The following SLC25A26 variants were observed in gnomAD, a reference collection of about 807,000 sequenced individuals.
SLC25A26 encodes solute carrier family 25 member 26, also known as mitochondrial S-adenosylmethionine carrier protein.
A neutral mutation model predicts 37.8 loss-of-function variants in SLC25A26; 36 were observed. The observed-to-expected ratio is 0.95, with a 90% confidence interval of 0.73 to 1.26. The LOEUF is 1.26. SLC25A26 is among the 50% of genes most tolerant of loss of function. The pLI, the probability that SLC25A26 is intolerant of heterozygous loss-of-function variation, is 0.00. For missense variants in SLC25A26, 390 were observed against 331.1 expected (o/e 1.18, Z -1.38); for synonymous variants, 129 against 122.5 (o/e 1.05, Z -0.35).
At chr3:66,339,074 G>C (rs775231202) in intron 5 of SLC25A26, among the ~76,000 whole-genome samples, 1 of 151,994 alleles carries the variant, frequency 6.6e-6, no homozygotes, top group Non-Finnish European at 1.5e-5. Flanking sequence ...TATTTTGGCT[G>C]TATACCCGGG....
intron 9 of SLC25A26, 132 bp downstream of exon 9, chr3:66,370,734 A>G (rs1700304926): frequency 7.4e-6 from 5 of 673,962 alleles, no homozygotes; most frequent in African/African-American, 1.8e-5. Flanking sequence ...TGTGCAAAAT[A>G]TTATAGTTGA....
At chr3:66,178,578 A>C (rs951321999) in intron 1 of SLC25A26, among the ~76,000 whole-genome samples, 1 of 152,094 alleles carries the variant, frequency 6.6e-6, no homozygotes, top group African/African-American at 2.4e-5. Flanking sequence ...TTCTCCTGAT[A>C]GACTAAGAGC....
At chr3:66,136,317 G>A (rs1313963136) in intron 1 of SLC25A26, among the ~76,000 whole-genome samples, 2 of 152,134 alleles carry the variant, frequency 1.3e-5, no homozygotes, top group Non-Finnish European at 2.9e-5. Context: ...CTATATGATA[G>A]TCATGATTTT....
chr3:66,273,744 A>G (rs2074035559), intron 5 of SLC25A26, among the ~76,000 whole-genome samples: 1 of 152,174 alleles, frequency 6.6e-6, no homozygotes, highest in South Asian at 2.1e-4. Context: ...TCAATGAAAT[A>G]AAAGAGGATA....
intron 6 of SLC25A26, among the ~76,000 whole-genome samples, chr3:66,361,823 C>T (rs561678551): frequency 5.9e-5 from 9 of 152,070 alleles, no homozygotes; most frequent in South Asian, 2.1e-4. Context: ...AAAAATTAGC[C>T]GGGCGTGTTG....
intron 5 of SLC25A26, among the ~76,000 whole-genome samples, chr3:66,344,274 C>G (rs545458779): frequency 2.0e-5 from 3 of 152,260 alleles, no homozygotes; most frequent in South Asian, 2.1e-4. Context: ...ACCAGCCTGG[C>G]TAACATGGTG....
chr3:66,303,416 T>C (rs907343909), intron 5 of SLC25A26, among the ~76,000 whole-genome samples: 4 of 152,230 alleles, frequency 2.6e-5, no homozygotes, highest in African/African-American at 9.6e-5. Context: ...CTGGGGAGGC[T>C]AGCTCCCTCT....
intron 1 of SLC25A26, among the ~76,000 whole-genome samples, chr3:66,213,452 A>AAT (rs1374572453): frequency 6.7e-6 from 1 of 148,678 alleles, no homozygotes; most frequent in East Asian, 2.0e-4. Flanking sequence ...TTTCTTTTAA[A>AAT]ATATATATAT....
intron 1 of SLC25A26, among the ~76,000 whole-genome samples, chr3:66,179,245 A>G (rs2070648556): frequency 6.6e-6 from 1 of 152,238 alleles, no homozygotes; most frequent in Non-Finnish European, 1.5e-5. Flanking sequence ...AAGATGACCT[A>G]TAAATGTAGC....
intron 5 of SLC25A26, among the ~76,000 whole-genome samples, chr3:66,343,006 T>G (rs2076243866): frequency 6.6e-6 from 1 of 152,194 alleles, no homozygotes; most frequent in South Asian, 2.1e-4. Flanking sequence ...GAGCTCTGAG[T>G]GCAGCTATTC....
At chr3:66,335,216 A>G (rs2076066944) in intron 5 of SLC25A26, among the ~76,000 whole-genome samples, 1 of 152,210 alleles carries the variant, frequency 6.6e-6, no homozygotes, top group Admixed American at 6.5e-5. Context: ...CTTTAAATGT[A>G]TAAAGCAGAT....
intron 1 of SLC25A26, among the ~76,000 whole-genome samples, chr3:66,151,308 G>T (rs1012139881): frequency 3.3e-5 from 5 of 152,062 alleles, no homozygotes; most frequent in Non-Finnish European, 7.3e-5. Flanking sequence ...AAGCAAAGCT[G>T]GTCTACTCTG....
chr3:66,307,878 T>C (rs1458111012), intron 5 of SLC25A26, among the ~76,000 whole-genome samples: 1 of 151,960 alleles, frequency 6.6e-6, no homozygotes, highest in Non-Finnish European at 1.5e-5. Context: ...CTGGTACCAG[T>C]ACCCTGCTGT....
chr3:66,284,856 T>C (rs953029669), intron 5 of SLC25A26, among the ~76,000 whole-genome samples: 16 of 152,228 alleles, frequency 1.1e-4, no homozygotes, highest in African/African-American at 3.9e-4. Context: ...GTGAAGAATA[T>C]GCAAAAATTC....
intron 3 of SLC25A26, among the ~76,000 whole-genome samples, chr3:66,255,062 A>G (rs2073247322): frequency 6.6e-6 from 1 of 152,206 alleles, no homozygotes; most frequent in South Asian, 2.1e-4. Flanking sequence ...TCCTCCACTC[A>G]GTACCTAAAG....
intron 5 of SLC25A26, among the ~76,000 whole-genome samples, chr3:66,299,069 C>T (rs2074993596): frequency 6.6e-6 from 1 of 152,094 alleles, no homozygotes; most frequent in Non-Finnish European, 1.5e-5. Flanking sequence ...TGTGTGTGTA[C>T]ACATGAATAC....
chr3:66,141,563 A>T (rs2070034412), intron 1 of SLC25A26, among the ~76,000 whole-genome samples: 1 of 151,738 alleles, frequency 6.6e-6, no homozygotes, highest in South Asian at 2.1e-4. Flanking sequence ...CCCAGGCTAC[A>T]GTGCAGTGGC....
intron 1 of SLC25A26, among the ~76,000 whole-genome samples, chr3:66,146,566 T>G (rs923955513): frequency 6.6e-6 from 1 of 152,124 alleles, no homozygotes; most frequent in African/African-American, 2.4e-5. Flanking sequence ...AAAACTAATA[T>G]AAGCAAAGCA....
intron 2 of SLC25A26, among the ~76,000 whole-genome samples, chr3:66,238,198 G>A (rs1468036959): frequency 6.6e-6 from 1 of 152,048 alleles, no homozygotes; most frequent in East Asian, 1.9e-4. Context: ...GTTGACCCTC[G>A]AACAATTTGG....
Sources: allele counts gnomAD v4.1 joint callset (sites outside exome capture counted in the v4.1 genomes callset), GRCh38; gene constraint gnomAD v4.1.1; transcripts MANE v1.5; gene names NCBI Gene and HGNC (gene_info 2026-07-23, HGNC 2026-07-21).